The following MSANTD2 variants were observed in gnomAD, a reference collection of about 807,000 sequenced individuals.
MSANTD2 encodes the protein Myb/SANT DNA binding domain containing 2, also known as myb/SANT-like DNA-binding domain-containing protein 2.
In MSANTD2, 19 loss-of-function variants were observed where a neutral mutation model predicts 52.6. The ratio of observed to expected loss-of-function variants is 0.36; its 90% CI spans 0.25 to 0.53. The LOEUF (loss-of-function observed/expected upper bound fraction) is 0.53, where lower values mean the gene tolerates loss of function less well. Ranked by LOEUF, MSANTD2 falls within the 20% of genes least tolerant of loss-of-function variation. The pLI is 0.91. For missense variants in MSANTD2, 558 were observed against 716.3 expected, an observed-to-expected ratio of 0.78 and a Z score of 2.52; for synonymous variants, 291 against 289.7, an observed-to-expected ratio of 1.00 and a Z score of -0.04.
At position 124,800,390 on chromosome 11, in the gene MSANTD2, G is replaced by T. The variant is rs1178454637; in HGVS notation, c.-10C>A. ...CACAGGGCGCAGCCATCTTCCAAGC[G>T]GCCGCCGCTGCACCGCCCGGAAGTG... On this transcript the variant is annotated 5_prime_UTR_variant, in exon 1 of 4. Transcript: ENST00000374979. The surrounding 1 kb of genome is among the most constrained non-coding windows in gnomAD (Gnocchi z 4.3). 6.7e-7 allele frequency: 1 copy of T among 1,501,138 alleles called. No homozygotes were observed. The highest frequency in any genetic ancestry group is 1.3e-5 in the South Asian group (1 of 75,534). 93.0% of individuals were successfully genotyped at this position (1,501,138 alleles called of 1,614,324 possible). A position where few individuals can be genotyped will look rare whatever the true frequency, so the allele number is the denominator to read the frequency against.
chr11:124,772,742 CAAAAAAAAAAAAA>C (rs57859579), intron 3 of MSANTD2, among the ~76,000 whole-genome samples: 7 of 57,926 alleles, frequency 1.2e-4, no homozygotes, highest in Admixed American at 2.7e-4. Context: ...GATTCCGTCT[CAAAAAAAAAAAAA>C]AAAAAAAAAA....
chr11:124,770,127 TG>T (rs903207834), intron 3 of MSANTD2, among the ~76,000 whole-genome samples: 2 of 152,188 alleles, frequency 1.3e-5, no homozygotes, highest in Non-Finnish European at 2.9e-5. Context: ...TTAAGTGGTT[TG>T]AGATTGGTGA....
chr11:124,781,664 T>C (rs1944974045), intron 1 of MSANTD2, among the ~76,000 whole-genome samples: 1 of 151,582 alleles, frequency 6.6e-6, no homozygotes, highest in South Asian at 2.1e-4. Context: ...TTTTTTTTTT[T>C]TTTTTTGAGA....
chr11:124,791,187 A>C, intron 1 of MSANTD2: 1 of 1,098,042 alleles, frequency 9.1e-7, no homozygotes, highest in Non-Finnish European at 1.4e-6. Context: ...GGTTGGAAGA[A>C]TGGGTGCATG....
intron 1 of MSANTD2, chr11:124,791,165 G>T: frequency 2.2e-6 from 2 of 915,304 alleles, no homozygotes; most frequent in South Asian, 2.8e-5. Flanking sequence ...AGGTGAATGG[G>T]AGCTGGTTTC....
At chr11:124,781,124 A>C (rs1455106292) in intron 1 of MSANTD2, among the ~76,000 whole-genome samples, 2 of 151,242 alleles carry the variant, frequency 1.3e-5, no homozygotes, top group Non-Finnish European at 2.9e-5. Context: ...TGGAGGTTGC[A>C]GTGAGCCAAG....
chr11:124,788,460 A>G (rs1945233940), intron 1 of MSANTD2, among the ~76,000 whole-genome samples: 1 of 152,226 alleles, frequency 6.6e-6, no homozygotes, highest in South Asian at 2.1e-4. Flanking sequence ...GCTGCAGTGA[A>G]GAAGTTAGAA....
chr11:124,768,432 G>A (rs904223818), intron 3 of MSANTD2, among the ~76,000 whole-genome samples: 8 of 152,118 alleles, frequency 5.3e-5, no homozygotes, highest in African/African-American at 1.9e-4. Context: ...GTCTATGATG[G>A]CCTTCAGACC....
intron 1 of MSANTD2, among the ~76,000 whole-genome samples, chr11:124,785,414 G>A (rs533915653): frequency 6.6e-6 from 1 of 152,372 alleles, no homozygotes; most frequent in South Asian, 2.1e-4. Flanking sequence ...ACATGTGAGA[G>A]ACTGAGAAGC....
rs1944683343 is a variant in MSANTD2 at position 124,774,952 on chromosome 11, C to T, written c.533G>A (p.Arg178Gln). 1 of 1,567,004 alleles carries T rather than the reference C, an allele frequency of 6.4e-7. No individual in the cohort carries two copies. The highest frequency in any genetic ancestry group is 8.6e-7 in the Non-Finnish European group (1 of 1,160,544). ...RIKTLRRCYS[R>Q]VKEHGVGKRK... ...TTTCCCAACACCATGTTCTTTCACCCGACTGTAACACCTGCGAAGGGTCTA... is the reference window on the plus strand; with the variant it reads ...TTTCCCAACACCATGTTCTTTCACCTGACTGTAACACCTGCGAAGGGTCTA... The change falls in exon 2 of 4, where the codon CGG becomes CAG. Residue 178 changes from arginine (R) to glutamine (Q), a missense_variant. Physicochemically the swap from Arg to Gln is conservative, Grantham distance 43. Around this residue, in one of 2 missense-constraint regions of MSANTD2, gnomAD observed 408 missense variants for 573.6 expected, o/e 0.71. Transcript: ENST00000374979. The surrounding 1 kb of genome is among the most constrained non-coding windows in gnomAD (Gnocchi z 5.1).
chr11:124,785,707 C>T (rs1012119611), intron 1 of MSANTD2, among the ~76,000 whole-genome samples: 3 of 151,904 alleles, frequency 2.0e-5, no homozygotes, highest in African/African-American at 7.3e-5. Flanking sequence ...GGGGGACTAG[C>T]GTCTCATTCC....
chr11:124,791,981 T>C (rs1350390870), intron 1 of MSANTD2: 1 of 188,822 alleles, frequency 5.3e-6, no homozygotes, highest in Non-Finnish European at 1.1e-5. Flanking sequence ...GAATAGTGCA[T>C]GGCACATAGA....
At chr11:124,773,744 T>A (rs1265106676) in intron 2 of MSANTD2, among the ~76,000 whole-genome samples, 1 of 152,222 alleles carries the variant, frequency 6.6e-6, no homozygotes, top group Non-Finnish European at 1.5e-5. Context: ...CATTTTTCTA[T>A]CATCAAGAAT....
intron 1 of MSANTD2, chr11:124,775,420 A>C (rs768053908): frequency 6.6e-5 from 10 of 151,942 alleles, no homozygotes; most frequent in Non-Finnish European, 1.1e-4. Context: ...CAAAGCAAAG[A>C]ATACCTGCCT....
chr11:124,799,686 G>C (rs1945621539), intron 1 of MSANTD2, among the ~76,000 whole-genome samples, 185 bp downstream of exon 1: 2 of 152,224 alleles, frequency 1.3e-5, no homozygotes, highest in Non-Finnish European at 1.5e-5. Context: ...GGAAACCTAC[G>C]GGCTGGCGGC....
At chr11:124,771,784 T>G (rs942236777) in intron 3 of MSANTD2, among the ~76,000 whole-genome samples, 4 of 152,164 alleles carry the variant, frequency 2.6e-5, no homozygotes, top group East Asian at 3.8e-4. Flanking sequence ...GTTTTCTTGT[T>G]GTGCTGCCTG....
chr11:124,792,386 A>G (rs1168339693), intron 1 of MSANTD2: 2 of 152,238 alleles, frequency 1.3e-5, no homozygotes, highest in Non-Finnish European at 2.9e-5. Flanking sequence ...TTATTCTTCA[A>G]TTAAAAAGCA....
At position 124,767,427 on chromosome 11, in the gene MSANTD2, G is replaced by T. The variant is rs1281998951; in HGVS notation, c.1429C>A (p.Leu477Ile). 14 of 1,614,122 alleles carry T rather than the reference G, an allele frequency of 8.7e-6. No individual in the cohort carries two copies. Among genetic ancestry groups the T allele is most frequent in the Non-Finnish European group, 1.1e-5 (13 of 1,180,016 alleles). ...IEPTRIIYCY[L>I]GIAEVRTLQQ... ...AGAGTCCTGACCTCAGCAATCCCGA[G>T]GTAGCAATAGATAATTCGGGTGGGT... is the stretch of plus-strand genomic sequence containing the variant. Residue 477 changes from leucine to isoleucine, a missense_variant, in exon 4 of 4, where the codon CTC (leucine) becomes ATC (isoleucine). Coordinates refer to ENST00000374979, the MANE Select transcript of MSANTD2 (RefSeq NM_001308027.2). The surrounding 1 kb of genome is among the most constrained non-coding windows in gnomAD (Gnocchi z 6.5).
In MSANTD2 at chr11:124,769,761, A is replaced by T. The variant is rs191228978; in HGVS notation, c.828-1733T>A. On this transcript the variant is annotated intron_variant, in intron 3 of 3. Transcript: ENST00000374979. ...CAGAGAAAAAGAAATCCCATGCCCA[A>T]ATCACGTTATTTTTTTCAGCATTGT... Among the ~76,000 whole-genome samples the T allele has an allele frequency of 5.9e-4, 90 of 152,328 alleles. 1 individual carries two copies. The highest frequency in any genetic ancestry group is 3.5e-4 in the Non-Finnish European group (24 of 68,034).
Sources: allele counts gnomAD v4.1 joint callset (sites outside exome capture counted in the v4.1 genomes callset), GRCh38; gene constraint gnomAD v4.1.1; regional missense constraint gnomAD v4.1.1; non-coding constraint Gnocchi (gnomAD v3.1); transcripts MANE v1.5; gene names NCBI Gene and HGNC (gene_info 2026-07-23, HGNC 2026-07-21).